Variants in EDIL3 observed in about 807,000 individuals in gnomAD.
The protein encoded by EDIL3 is EGF like and discoidin domains 3, also known as EGF-like repeat and discoidin I-like domain-containing protein 3.
EDIL3 carries 37 observed loss-of-function variants against 67.4 expected under a neutral mutation model. The ratio of observed to expected loss-of-function variants is 0.55; its 90% CI spans 0.42 to 0.72. The LOEUF is 0.72. EDIL3 is among the 30% of genes least tolerant of loss of function. EDIL3 has a pLI of 0.00. For synonymous variants in EDIL3, 195 were observed against 196.3 expected (o/e 0.99, Z 0.05); for missense variants, 527 against 586.3 (o/e 0.90, Z 1.04).
chr5:84,306,946 A>C (rs1204711515), intron 1 of EDIL3, among the ~76,000 whole-genome samples: 2 of 152,234 alleles, frequency 1.3e-5, no homozygotes, highest in East Asian at 3.8e-4. Context: ...TACTTGATAC[A>C]CAGTGAGTAC....
chr5:84,303,522 A>T (rs960198394), intron 1 of EDIL3, among the ~76,000 whole-genome samples: 2 of 152,164 alleles, frequency 1.3e-5, no homozygotes, highest in Admixed American at 1.3e-4. Flanking sequence ...TGGATTAGTC[A>T]TTTACATGGA....
intron 2 of EDIL3, among the ~76,000 whole-genome samples, chr5:84,247,325 AC>A (rs1371373386): frequency 1.3e-5 from 2 of 152,104 alleles, no homozygotes; most frequent in African/African-American, 4.8e-5. Flanking sequence ...AAATAACCCT[AC>A]ACCACCCAAG....
intron 1 of EDIL3, among the ~76,000 whole-genome samples, chr5:84,276,705 A>T (rs1745588922): frequency 6.6e-6 from 1 of 152,098 alleles, no homozygotes; most frequent in Admixed American, 6.6e-5. Flanking sequence ...AGTAGCTGGA[A>T]TTACAGGTGC....
At chr5:84,213,264 C>T (rs1200377178) in intron 3 of EDIL3, among the ~76,000 whole-genome samples, 1 of 151,798 alleles carries the variant, frequency 6.6e-6, no homozygotes, top group Admixed American at 6.6e-5. Context: ...GGCAAAGATG[C>T]AGAATGCTAA....
At chr5:83,943,658 C>T in intron 10 of EDIL3, 90 bp from the exon 11 acceptor site, 2 of 1,459,950 alleles carry the variant, frequency 1.4e-6, no homozygotes, top group Non-Finnish European at 1.8e-6. Flanking sequence ...TTTCCCCAAA[C>T]ATGATATTTG....
At chr5:84,050,543 T>A (rs1004373848) in intron 9 of EDIL3, among the ~76,000 whole-genome samples, 3 of 151,966 alleles carry the variant, frequency 2.0e-5, no homozygotes, top group African/African-American at 7.3e-5. Context: ...GTGCAAGGGG[T>A]CAGGGAATTC....
chr5:84,089,503 C>T (rs574592273), intron 6 of EDIL3, among the ~76,000 whole-genome samples: 2 of 152,252 alleles, frequency 1.3e-5, no homozygotes, highest in East Asian at 1.9e-4. Flanking sequence ...AGCTGGTATC[C>T]TTGCTCATAG....
At chr5:84,136,141 G>A (rs1748088132) in intron 5 of EDIL3, among the ~76,000 whole-genome samples, 1 of 152,134 alleles carries the variant, frequency 6.6e-6, no homozygotes, top group South Asian at 2.1e-4. Context: ...ATTTAAACAG[G>A]TATCTCAGTC....
chr5:83,970,588 C>T (rs1394475350), intron 9 of EDIL3, among the ~76,000 whole-genome samples: 3 of 143,842 alleles, frequency 2.1e-5, no homozygotes, highest in African/African-American at 7.8e-5. Context: ...TTCTTTCTTG[C>T]CCTTACTGAA....
At chr5:84,155,732 CAT>C (rs1748479269) in intron 4 of EDIL3, among the ~76,000 whole-genome samples, 1 of 152,152 alleles carries the variant, frequency 6.6e-6, no homozygotes, top group Non-Finnish European at 1.5e-5. Context: ...TTCAAGGTGA[CAT>C]ATAGTATTCT....
rs753329810 is a variant in EDIL3 at position 84,349,258 on chromosome 5, AGAG to A, written c.67+35047_67+35049del. On this transcript the variant is annotated intron_variant, in intron 1 of 10. Coordinates refer to ENST00000296591, the MANE Select transcript of EDIL3 (RefSeq NM_005711.5). ...TTGTGCTGTAGAAACTTCATGGTCT[AGAG>A]GAGTTTAATTGACAATAGCCGTTCC... is the stretch of plus-strand genomic sequence containing the variant. 5.9e-5 allele frequency among the ~76,000 whole-genome samples: 9 copies of A among 152,318 alleles called. No homozygotes were observed. In the South Asian group the frequency reaches 6.2e-4, roughly 11 times the overall value.
At chr5:84,137,421 T>C in intron 4 of EDIL3, 67 bp from the exon 5 acceptor site, 1 of 1,405,564 alleles carries the variant, frequency 7.1e-7, no homozygotes, top group Non-Finnish European at 9.9e-7. Context: ...TTGGAAAGTT[T>C]TAACATTTGA....
chr5:84,381,368 T>C lies in EDIL3; in HGVS notation c.67+2940A>G, dbSNP rs1446245970. ...GATATTTCAGAATTATTTTTGTATG[T>C]TTTACCTTGACTCTGAAGTTAGCAT... On this transcript the variant is annotated intron_variant, in intron 1 of 10. Transcript: ENST00000296591. Among the ~76,000 whole-genome samples the C allele has an allele frequency of 2.0e-5, 3 of 152,262 alleles. No homozygotes were observed. In the East Asian group the frequency reaches 5.8e-4, roughly 29 times the overall value.
At position 84,172,611 on chromosome 5, in the gene EDIL3, A is replaced by T. The variant is rs562886291; in HGVS notation, c.355+7782T>A. ...AAACAAAACAACAACAACAACAACA[A>T]AAAAATAAAAATAAAAGAAAAAGAG... On this transcript the variant is annotated intron_variant, in intron 4 of 10. Transcript: ENST00000296591. 6.2e-4 allele frequency among the ~76,000 whole-genome samples: 94 copies of T among 152,136 alleles called. 1 individual carries two copies. The highest frequency in any genetic ancestry group is 2.2e-3 in the African/African-American group (92 of 41,498).
intron 1 of EDIL3, among the ~76,000 whole-genome samples, chr5:84,289,477 A>G (rs1745872560): frequency 6.6e-6 from 1 of 152,106 alleles, no homozygotes; most frequent in South Asian, 2.1e-4. Flanking sequence ...TCTGCTCAGC[A>G]TTGATAAATG....
At chr5:84,061,336 T>C (rs1746538057) in intron 8 of EDIL3, among the ~76,000 whole-genome samples, 1 of 152,204 alleles carries the variant, frequency 6.6e-6, no homozygotes, top group South Asian at 2.1e-4. Flanking sequence ...CATATGTTTG[T>C]GTGTGTATAC....
chr5:84,211,744 T>C (rs185738533), intron 3 of EDIL3, among the ~76,000 whole-genome samples: 2 of 152,324 alleles, frequency 1.3e-5, no homozygotes, highest in African/African-American at 2.4e-5. Flanking sequence ...GCCTGGATTA[T>C]GCCTTGACTT....
chr5:84,332,953 T>C (rs772295275), intron 1 of EDIL3, among the ~76,000 whole-genome samples: 10 of 152,198 alleles, frequency 6.6e-5, no homozygotes, highest in Non-Finnish European at 1.2e-4. Flanking sequence ...TAAAAACTGA[T>C]TTAAATGAAA....
chr5:84,108,941 G>T (rs1018110814), intron 5 of EDIL3, among the ~76,000 whole-genome samples: 6 of 152,180 alleles, frequency 3.9e-5, no homozygotes, highest in Non-Finnish European at 8.8e-5. Context: ...ACCTTATGCT[G>T]AATTAGATAT....
Sources: allele counts gnomAD v4.1 joint callset (sites outside exome capture counted in the v4.1 genomes callset), GRCh38; gene constraint gnomAD v4.1.1; transcripts MANE v1.5; gene names NCBI Gene and HGNC (gene_info 2026-07-23, HGNC 2026-07-21).